Variants in PCBP4 observed in about 807,000 individuals in gnomAD.
The protein encoded by PCBP4 is poly(rC)-binding protein 4.
PCBP4 carries 24 observed loss-of-function variants against 46.2 expected under a neutral mutation model. That is an observed-to-expected ratio of 0.52 (90% CI 0.38 to 0.73). The LOEUF (loss-of-function observed/expected upper bound fraction) is 0.73. Among genes scored for constraint, PCBP4 ranks in the 30% least tolerant of loss-of-function variants. The pLI, the probability that PCBP4 is intolerant of heterozygous loss-of-function variation, is 0.00. For synonymous variants in PCBP4, 203 were observed against 224.4 expected (o/e 0.90, Z 0.85); for missense variants, 407 against 537.0 (o/e 0.76, Z 2.39).
chr3:51,958,639 C>T lies in PCBP4; in HGVS notation c.923+151G>A. ...ATGGGGCAACAGAGGGTGAATTAGG[C>T]AAAGACCATGGGGAATTGGAGTAGG... On this transcript the variant is annotated intron_variant, in intron 13 of 13. Coordinates refer to ENST00000461554, the MANE Select transcript of PCBP4 (RefSeq NM_001174100.2). The surrounding 1 kb of genome is among the most constrained non-coding windows in gnomAD (Gnocchi z 5.4). 1.2e-6 allele frequency: 1 copy of T among 857,326 alleles called. No homozygotes were observed. The highest frequency in any genetic ancestry group is 1.8e-6 in the Non-Finnish European group (1 of 569,952). 53.1% of individuals were successfully genotyped at this position (857,326 alleles called of 1,614,324 possible).
chr3:51,959,760 A>G lies in PCBP4; in HGVS notation c.517-109T>C, dbSNP rs1031291282. 2.1e-6 allele frequency: 3 copies of G among 1,453,166 alleles called. No individual in the cohort carries two copies. The highest frequency in any genetic ancestry group is 2.4e-5 in the East Asian group (1 of 42,068). The allele number at this position is 1,453,166 out of a possible 1,614,324, so 90.0% of individuals were successfully genotyped here. A position where few individuals can be genotyped will look rare whatever the true frequency, so the allele number is the denominator to read the frequency against. On this transcript the variant is annotated intron_variant, in intron 8 of 13. Transcript: ENST00000461554. The surrounding 1 kb of genome is among the most constrained non-coding windows in gnomAD (Gnocchi z 5.6). ...CATGACCCCCAGGGAAATGCACATG[A>G]TCCCTGGAGCTCATCATCCATCCCT...
In PCBP4 at chr3:51,959,691, G is replaced by C; in HGVS notation, c.517-40C>G. 1.3e-6 allele frequency: 2 copies of C among 1,532,482 alleles called. No individual in the cohort carries two copies. Among genetic ancestry groups the C allele is most frequent in the Non-Finnish European group, 1.8e-6 (2 of 1,129,972 alleles). 94.9% of individuals were successfully genotyped at this position (1,532,482 alleles called of 1,614,324 possible). On this transcript the variant is annotated intron_variant, in intron 8 of 13. Coordinates refer to ENST00000461554, the MANE Select transcript of PCBP4 (RefSeq NM_001174100.2). This position sits in a 1 kb window ranked among gnomAD's most constrained non-coding sequence, Gnocchi z 5.6. ...CAGGGCTCTGTCAGGACCCTCTCAGGCTCCGATAACCTCCCCAGCTGCCCA... is the reference window on the plus strand; with the variant it reads ...CAGGGCTCTGTCAGGACCCTCTCAGCCTCCGATAACCTCCCCAGCTGCCCA...
rs544392955 is a variant in PCBP4 at position 51,959,336 on chromosome 3, G to A, written c.636+31C>T. The A allele has an allele frequency of 1.2e-6, 2 of 1,613,674 alleles. No individual in the cohort carries two copies. The highest frequency in any genetic ancestry group is 1.3e-5 in the African/African-American group (1 of 75,040). ...AGAGGTCAGAGGAGGCATGGTTCAG[G>A]AAGGGGTGCCTTGGGCTATGGGTCA... On this transcript the variant is annotated intron_variant, in intron 10 of 13. Transcript: ENST00000461554. This position sits in a 1 kb window ranked among gnomAD's most constrained non-coding sequence, Gnocchi z 5.6.
chr3:51,960,140 C>T lies in PCBP4; in HGVS notation c.387+49G>A, dbSNP rs1308529204. 2 of 1,614,184 alleles carry T rather than the reference C, an allele frequency of 1.2e-6. No individual in the cohort carries two copies. Among genetic ancestry groups the T allele is most frequent in the Admixed American group, 3.3e-5 (2 of 60,032 alleles). ...CATAAGCCCAACACCCCTCTTACAA[C>T]TGCTCCCTTGCCCCGGATTCCCTGT... On this transcript the variant is annotated intron_variant, in intron 7 of 13. Coordinates refer to ENST00000461554, the MANE Select transcript of PCBP4 (RefSeq NM_001174100.2). This position sits in a 1 kb window ranked among gnomAD's most constrained non-coding sequence, Gnocchi z 5.0.
At chr3:51,961,354 C>A in intron 2 of PCBP4, 50 bp from the exon 3 acceptor site, 1 of 1,482,492 alleles carries the variant, frequency 6.7e-7, no homozygotes, top group Non-Finnish European at 8.9e-7. Context: ...GTCCACCCTG[C>A]CCCTGCCCTT....
chr3:51,960,123 C>T lies in PCBP4; in HGVS notation c.387+66G>A, dbSNP rs777404606. 1 of 1,614,064 alleles carries T rather than the reference C, an allele frequency of 6.2e-7. No homozygotes were observed. Among genetic ancestry groups the T allele is most frequent in the Non-Finnish European group, 8.5e-7 (1 of 1,179,920 alleles). On this transcript the variant is annotated intron_variant, in intron 7 of 13. Transcript: ENST00000461554. The surrounding 1 kb of genome is among the most constrained non-coding windows in gnomAD (Gnocchi z 5.0). ...CTAGGTGGGGAGGACGCCATAAGCC[C>T]AACACCCCTCTTACAACTGCTCCCT... is the stretch of plus-strand genomic sequence containing the variant.
In PCBP4 at chr3:51,959,578, T is replaced by C. The variant is rs1700037852; in HGVS notation, c.590A>G (p.Gln197Arg). 1 of 1,551,996 alleles carries C rather than the reference T, an allele frequency of 6.4e-7. No homozygotes were observed. The highest frequency in any genetic ancestry group is 2.0e-5 in the Admixed American group (1 of 51,036). ...CACTGCTCCTGTTGTTCCCCTCACC[T>C]GGTTGGCAGAGAGAAGAACAGTACC... The part of the protein sequence containing the change: ...SLGTVLLSAN[Q>R]GFSVQGQYGA... The change falls in exon 9 of 14, where the codon CAG becomes CGG. Residue 197 changes from glutamine to arginine, a missense_variant and splice_region_variant. Gln to Arg is a conservative substitution (Grantham distance 43). Transcript: ENST00000461554. This position sits in a 1 kb window ranked among gnomAD's most constrained non-coding sequence, Gnocchi z 5.6.
At chr3:51,965,013 AG>A (rs138079806) in intron 1 of PCBP4, among the ~76,000 whole-genome samples, 2,213 of 152,314 alleles carry the variant, frequency 0.015, 58 homozygotes, top group African/African-American at 0.051. Flanking sequence ...ATCATTAGGC[AG>A]CCCCCAGGAG....
In PCBP4 at chr3:51,957,566, G is replaced by C. The variant is rs898914624; in HGVS notation, c.*495C>G. ...ATGCCACTCCCCCAGCTACCTGGCAGTGCCCCCTCTTTGGGGTGCCCCCTG... is the reference window on the plus strand; with the variant it reads ...ATGCCACTCCCCCAGCTACCTGGCACTGCCCCCTCTTTGGGGTGCCCCCTG... On this transcript the variant is annotated 3_prime_UTR_variant, in exon 14 of 14. Transcript: ENST00000461554. 1 of 155,638 alleles carries C rather than the reference G, an allele frequency of 6.4e-6. No homozygotes were observed. The highest frequency in any genetic ancestry group is 2.4e-5 in the African/African-American group (1 of 41,492). 9.6% of individuals were successfully genotyped at this position (155,638 alleles called of 1,614,324 possible). A position where few individuals can be genotyped will look rare whatever the true frequency, so the allele number is the denominator to read the frequency against.
At position 51,958,065 on chromosome 3, in the gene PCBP4, T is replaced by C. The variant is rs774669491; in HGVS notation, c.1208A>G (p.Tyr403Cys). 2 of 1,545,984 alleles carry C rather than the reference T, an allele frequency of 1.3e-6. No individual in the cohort carries two copies. The highest frequency in any genetic ancestry group is 1.7e-6 in the Non-Finnish European group (2 of 1,147,702). ...KKAERQKFSP[Y>C] Reference sequence around the variant, plus strand: ...CTGCCTGTACCTCAGCTGGCCTCAGTAGGGGGAGAATTTCTGCCGCTCAGC... The same window carrying C: ...CTGCCTGTACCTCAGCTGGCCTCAGCAGGGGGAGAATTTCTGCCGCTCAGC... The change falls in exon 14 of 14, where the codon TAC becomes TGC. Residue 403 changes from tyrosine (Y) to cysteine (C), a missense_variant. By Grantham distance (194) the Tyr-to-Cys change is radical. Coordinates refer to ENST00000461554, the MANE Select transcript of PCBP4 (RefSeq NM_001174100.2). The surrounding 1 kb of genome is among the most constrained non-coding windows in gnomAD (Gnocchi z 5.4).
chr3:51,959,973 T>C lies in PCBP4; in HGVS notation c.438A>G (p.Thr146=), dbSNP rs1405384371. The C allele has an allele frequency of 6.2e-7, 1 of 1,614,004 alleles. No homozygotes were observed. Among genetic ancestry groups the C allele is most frequent in the Non-Finnish European group, 8.5e-7 (1 of 1,179,978 alleles). ...QVAGDLLPNS[T]ERAVTVSGVP... is the part of the protein sequence containing the mutation. ...CCCCAGATACCGTAACAGCTCGCTC[T>C]GTGGAGTTGGGGAGCAGGTCCCCTG... Residue 146 remains threonine, a synonymous_variant, in exon 8 of 14, where the codon ACA becomes ACG. Transcript: ENST00000461554. This position sits in a 1 kb window ranked among gnomAD's most constrained non-coding sequence, Gnocchi z 5.6.
rs1699917191 is a variant in PCBP4 at position 51,958,205 on chromosome 3, G to T, written c.1068C>A (p.Asn356Lys). ...LGTPYAISLSNFIGLKPMPFL... is the reference protein window; with the variant it reads ...LGTPYAISLSKFIGLKPMPFL... ...AGGGCATGGGCTTGAGGCCGATGAA[G>T]TTGGAGAGGGAGATGGCATAGGGTG... Residue 356 changes from asparagine to lysine, a missense_variant, in exon 14 of 14, where the codon AAC becomes AAA. Coordinates refer to ENST00000461554, the MANE Select transcript of PCBP4 (RefSeq NM_001174100.2). This position sits in a 1 kb window ranked among gnomAD's most constrained non-coding sequence, Gnocchi z 5.4. 6.2e-7 allele frequency: 1 copy of T among 1,613,344 alleles called. No homozygotes were observed. Among genetic ancestry groups the T allele is most frequent in the Non-Finnish European group, 8.5e-7 (1 of 1,179,614 alleles).
chr3:51,966,294 A>T (rs1700418714), intron 1 of PCBP4, among the ~76,000 whole-genome samples: 1 of 152,070 alleles, frequency 6.6e-6, no homozygotes, highest in Non-Finnish European at 1.5e-5. Context: ...AAGAAGAACA[A>T]TCCCCTTGTG....
At chr3:51,961,369 G>C in intron 2 of PCBP4, 65 bp from the exon 3 acceptor site, 1 of 1,459,028 alleles carries the variant, frequency 6.9e-7, no homozygotes. Flanking sequence ...GCCCTTACAT[G>C]GGGACCCCAG....
At position 51,959,617 on chromosome 3, in the gene PCBP4, G is replaced by A. The variant is rs1700041107; in HGVS notation, c.551C>T (p.Pro184Leu). 3 of 1,552,014 alleles carry A rather than the reference G, an allele frequency of 1.9e-6. No homozygotes were observed. Among genetic ancestry groups the A allele is most frequent in the Non-Finnish European group, 2.6e-6 (3 of 1,147,140 alleles). Residue 184 changes from proline (P) to leucine (L), a missense_variant, in exon 9 of 14, where the codon CCG becomes CTG. Coordinates refer to ENST00000461554, the MANE Select transcript of PCBP4 (RefSeq NM_001174100.2). This position sits in a 1 kb window ranked among gnomAD's most constrained non-coding sequence, Gnocchi z 5.6. ...PPKGATIPYHPSLSLGTVLLS... is the reference protein window; with the variant it reads ...PPKGATIPYHLSLSLGTVLLS... ...AAGAACAGTACCTAGGGAGAGGCTC[G>A]GATGGTAGGGGATAGTGGCTCCTTT...
At position 51,958,747 on chromosome 3, in the gene PCBP4, G is replaced by A; in HGVS notation, c.923+43C>T. 6.3e-7 allele frequency: 1 copy of A among 1,584,820 alleles called. No homozygotes were observed. The highest frequency in any genetic ancestry group is 8.6e-7 in the Non-Finnish European group (1 of 1,164,442). ...ACCCCTGCCTTTCTTGGGCACATGAGAACCGTGACCTGCTCCCCCACTGCC... is the reference window on the plus strand; with the variant it reads ...ACCCCTGCCTTTCTTGGGCACATGAAAACCGTGACCTGCTCCCCCACTGCC... On this transcript the variant is annotated intron_variant, in intron 13 of 13. Coordinates refer to ENST00000461554, the MANE Select transcript of PCBP4 (RefSeq NM_001174100.2). The surrounding 1 kb of genome is among the most constrained non-coding windows in gnomAD (Gnocchi z 5.4).
rs776956466 is a variant in PCBP4, at chr3:51,960,652, T to C, written c.139-10A>G. The C allele has an allele frequency of 2.0e-5, 32 of 1,604,350 alleles. No homozygotes were observed. The highest frequency in any genetic ancestry group is 1.8e-4 in the East Asian group (8 of 44,842). On this transcript the variant is annotated splice_polypyrimidine_tract_variant and intron_variant, in intron 5 of 13. Transcript: ENST00000461554. The surrounding 1 kb of genome is among the most constrained non-coding windows in gnomAD (Gnocchi z 5.0). ...TGATCCGGGCACTGCTCTGCAGATA[T>C]AGAATGAGCGCCGGGCAGCGGGGCA... is the stretch of plus-strand genomic sequence containing the variant.
chr3:51,959,530 C>T lies in PCBP4; in HGVS notation c.591+47G>A. 1 of 1,534,372 alleles carries T rather than the reference C, an allele frequency of 6.5e-7. No homozygotes were observed. The highest frequency in any genetic ancestry group is 8.8e-7 in the Non-Finnish European group (1 of 1,131,936). On this transcript the variant is annotated intron_variant, in intron 9 of 13. Transcript: ENST00000461554. This position sits in a 1 kb window ranked among gnomAD's most constrained non-coding sequence, Gnocchi z 5.6. ...CTTCCATCCCCTCCTCTATCTCAAT[C>T]CCCCTTCTCCAGTAATGTGTCCCAC...
At position 51,959,307 on chromosome 3, in the gene PCBP4, G is replaced by A; in HGVS notation, c.637-15C>T. The A allele has an allele frequency of 5.6e-6, 9 of 1,613,874 alleles. No individual in the cohort carries two copies. The highest frequency in any genetic ancestry group is 7.6e-6 in the Non-Finnish European group (9 of 1,179,904). On this transcript the variant is annotated splice_polypyrimidine_tract_variant and intron_variant, in intron 10 of 13. Transcript: ENST00000461554. This position sits in a 1 kb window ranked among gnomAD's most constrained non-coding sequence, Gnocchi z 5.6. ...AGCTTGGTGACCTGTGCCAAAGAGG[G>A]GTCAGAGGTCAGAGGAGGCATGGTT...
Sources: allele counts gnomAD v4.1 joint callset (sites outside exome capture counted in the v4.1 genomes callset), GRCh38; gene constraint gnomAD v4.1.1; non-coding constraint Gnocchi (gnomAD v3.1); transcripts MANE v1.5; gene names NCBI Gene and HGNC (gene_info 2026-07-23, HGNC 2026-07-21).